Variants in SYNRG observed in about 807,000 individuals in gnomAD.
The protein encoded by SYNRG is AP1 gamma subunit binding protein 1.
SYNRG carries 37 observed loss-of-function variants against 130.9 expected under a neutral mutation model. That is an observed-to-expected ratio of 0.28 (90% CI 0.22 to 0.37). The LOEUF is 0.37. Ranked by LOEUF, SYNRG falls within the 10% of genes least tolerant of loss-of-function variation. SYNRG has a pLI of 1.00. For synonymous variants in SYNRG, 539 were observed against 568.1 expected (o/e 0.95, Z 0.73); for missense variants, 1,338 against 1,588.9 (o/e 0.84, Z 2.68).
At chr17:37,595,776 C>T (rs1205579371) in intron 3 of SYNRG, among the ~76,000 whole-genome samples, 7 of 137,910 alleles carry the variant, frequency 5.1e-5, no homozygotes, top group East Asian at 2.1e-4. Flanking sequence ...TTTTTTGAGA[C>T]GGGAGTCTCA....
chr17:37,586,956 A>G (rs945030139), intron 3 of SYNRG, among the ~76,000 whole-genome samples: 1 of 152,204 alleles, frequency 6.6e-6, no homozygotes, highest in African/African-American at 2.4e-5. Flanking sequence ...TATGGTAAAC[A>G]TACCACAAAT....
intron 11 of SYNRG, among the ~76,000 whole-genome samples, chr17:37,565,999 C>CGGGA (rs2059949195): frequency 6.7e-6 from 1 of 150,200 alleles, no homozygotes; most frequent in African/African-American, 2.5e-5. Flanking sequence ...CCGCCCCGTC[C>CGGGA]GGGAGGGAGG....
intron 3 of SYNRG, 56 bp from the exon 4 acceptor site, chr17:37,586,605 C>T: frequency 1.3e-6 from 2 of 1,585,074 alleles, no homozygotes; most frequent in Admixed American, 1.8e-5. Flanking sequence ...AATTATCACA[C>T]ACAAAAATGT....
intron 8 of SYNRG, among the ~76,000 whole-genome samples, chr17:37,575,503 TTTTC>T (rs1162990410): frequency 6.6e-6 from 1 of 152,102 alleles, no homozygotes; most frequent in Non-Finnish European, 1.5e-5. Flanking sequence ...AAGGATTTTC[TTTTC>T]TTTTTTTTTT....
rs1598622378 is a variant in SYNRG at position 37,596,295 on chromosome 17, C to T, written c.168G>A (p.Met56Ile). ...CCATAATGCCTTGCATATTAGGCTG[C>T]ATGACAGAGACCATAGGAAATCCTT... ...QQQGFPMVSV[M>I]QPNMQGIMGM... The change falls in exon 3 of 22, where the codon ATG becomes ATA. Residue 56 changes from methionine (M) to isoleucine (I), a missense_variant. By Grantham distance (10) the Met-to-Ile change is conservative. This residue lies in a region of SYNRG where 184 missense variants were observed against 217.2 expected (regional missense o/e 0.85). Transcript: ENST00000612223. The T allele has an allele frequency of 6.2e-7, 1 of 1,614,136 alleles. No homozygotes were observed. The highest frequency in any genetic ancestry group is 1.3e-5 in the African/African-American group (1 of 75,036).
chr17:37,572,983 A>G (rs532975219), intron 8 of SYNRG, among the ~76,000 whole-genome samples: 1 of 152,346 alleles, frequency 6.6e-6, no homozygotes, highest in East Asian at 1.9e-4. Context: ...TATTTACTAA[A>G]TGTAGCAAGC....
chr17:37,609,196 T>C, intron 1 of SYNRG, 83 bp downstream of exon 1: 2 of 1,325,502 alleles, frequency 1.5e-6, no homozygotes, highest in Non-Finnish European at 1.9e-6. Flanking sequence ...GGATCAGGGC[T>C]GGAGAAAACT....
At chr17:37,527,235 T>C (rs1348680913) in intron 19 of SYNRG, among the ~76,000 whole-genome samples, 2 of 152,236 alleles carry the variant, frequency 1.3e-5, no homozygotes, top group South Asian at 2.1e-4. Flanking sequence ...AGATTTTATA[T>C]GGCAAAAATC....
chr17:37,578,646 G>A (rs550571737), intron 6 of SYNRG, among the ~76,000 whole-genome samples: 4 of 152,302 alleles, frequency 2.6e-5, no homozygotes, highest in African/African-American at 9.6e-5. Flanking sequence ...ATCCCTCCCA[G>A]CACCCTGTCT....
intron 19 of SYNRG, among the ~76,000 whole-genome samples, chr17:37,527,524 C>T (rs982920084): frequency 6.6e-6 from 1 of 152,016 alleles, no homozygotes; most frequent in Non-Finnish European, 1.5e-5. Flanking sequence ...AGTCAGCCCT[C>T]GGTATCCATG....
At chr17:37,602,833 G>A (rs1166950959) in intron 1 of SYNRG, among the ~76,000 whole-genome samples, 1 of 152,160 alleles carries the variant, frequency 6.6e-6, no homozygotes, top group African/African-American at 2.4e-5. Flanking sequence ...AGACCAGCCT[G>A]GTCAACATGA....
At chr17:37,554,663 A>G (rs2058970404) in intron 13 of SYNRG, among the ~76,000 whole-genome samples, 1 of 152,222 alleles carries the variant, frequency 6.6e-6, no homozygotes, top group Non-Finnish European at 1.5e-5. Flanking sequence ...TTGAAAAGGT[A>G]TCTATTTATT....
In SYNRG at chr17:37,579,302, G is replaced by C. The variant is rs1295423551; in HGVS notation, c.590-1689C>G. 3.1e-6 allele frequency: 4 copies of C among 1,304,164 alleles called. No homozygotes were observed. The East Asian group carries it at 2.2e-4, about 72-fold the overall frequency. The allele number at this position is 1,304,164 out of a possible 1,614,324, so 80.8% of individuals were successfully genotyped here. A position where few individuals can be genotyped will look rare whatever the true frequency, so the allele number is the denominator to read the frequency against. ...GGTGGAGGGGTGGAAAGACTGAAAG[G>C]GCTGGGACGTGGAAGAAGGCCCACA... On this transcript the variant is annotated intron_variant, in intron 6 of 21. Coordinates refer to ENST00000612223, the MANE Select transcript of SYNRG (RefSeq NM_007247.6).
chr17:37,607,410 A>G (rs974534992), intron 1 of SYNRG, among the ~76,000 whole-genome samples: 1 of 152,230 alleles, frequency 6.6e-6, no homozygotes, highest in African/African-American at 2.4e-5. Context: ...ACATTTTCCC[A>G]GAACTTGGTG....
intron 1 of SYNRG, among the ~76,000 whole-genome samples, chr17:37,606,829 T>C (rs1388244236): frequency 1.3e-5 from 2 of 152,140 alleles, no homozygotes; most frequent in African/African-American, 4.8e-5. Context: ...ATCTAAACAA[T>C]ACAGTCAGTT....
intron 19 of SYNRG, among the ~76,000 whole-genome samples, chr17:37,532,710 A>G (rs1437929754): frequency 6.6e-6 from 1 of 151,816 alleles, no homozygotes; most frequent in Admixed American, 6.6e-5. Context: ...TAGGTAAAAA[A>G]TGAAACCTTG....
intron 11 of SYNRG, among the ~76,000 whole-genome samples, chr17:37,561,876 C>T (rs1016564820): frequency 1.2e-3 from 183 of 150,944 alleles, no homozygotes; most frequent in African/African-American, 3.9e-3. Flanking sequence ...CTCTTTAAGC[C>T]GTAATAACAA....
chr17:37,524,033 C>T (rs2055506154), intron 19 of SYNRG, among the ~76,000 whole-genome samples: 1 of 152,156 alleles, frequency 6.6e-6, no homozygotes, highest in Non-Finnish European at 1.5e-5. Context: ...AGGCGCTGCA[C>T]AATGTTTGCT....
intron 9 of SYNRG, 106 bp from the exon 10 acceptor site, chr17:37,570,991 A>ACTCCT (rs1843913071): frequency 7.3e-7 from 1 of 1,378,624 alleles, no homozygotes; most frequent in African/African-American, 1.4e-5. Flanking sequence ...GCATGTTTCC[A>ACTCCT]CTCCAACTCT....
Sources: allele counts gnomAD v4.1 joint callset (sites outside exome capture counted in the v4.1 genomes callset), GRCh38; gene constraint gnomAD v4.1.1; regional missense constraint gnomAD v4.1.1; transcripts MANE v1.5; gene names NCBI Gene and HGNC (gene_info 2026-07-23, HGNC 2026-07-21).